Variants in SLC4A5 observed in about 807,000 individuals in gnomAD.
The protein encoded by SLC4A5 is solute carrier family 4 member 5, also known as electrogenic sodium bicarbonate cotransporter 4.
In SLC4A5, 96 loss-of-function variants were observed where a neutral mutation model predicts 120.4. The observed-to-expected ratio is 0.80, with a 90% CI of 0.68 to 0.94. The LOEUF (loss-of-function observed/expected upper bound fraction) is 0.94. SLC4A5 is among the 40% of genes least tolerant of loss of function. The pLI is 0.00. For missense variants in SLC4A5, 1,259 were observed against 1,459.5 expected (o/e 0.86, Z 2.24); for synonymous variants, 550 against 571.1 (o/e 0.96, Z 0.53).
At chr2:74,292,638 A>G (rs757514400) in intron 7 of SLC4A5, among the ~76,000 whole-genome samples, 10 of 152,202 alleles carry the variant, frequency 6.6e-5, no homozygotes, top group Non-Finnish European at 1.3e-4. Flanking sequence ...TTCAGGAGGC[A>G]CACTAAAGCC....
intron 7 of SLC4A5, among the ~76,000 whole-genome samples, chr2:74,295,012 G>C (rs1212806004): frequency 6.6e-6 from 1 of 152,168 alleles, no homozygotes; most frequent in African/African-American, 2.4e-5. Context: ...TAGACTGATA[G>C]ATGGTCTTTG....
At chr2:74,324,412 A>G (rs915395473) in intron 5 of SLC4A5, among the ~76,000 whole-genome samples, 17 of 152,170 alleles carry the variant, frequency 1.1e-4, no homozygotes, top group African/African-American at 4.1e-4. Flanking sequence ...ACGTGTGAGC[A>G]GCTCCAGAAA....
intron 8 of SLC4A5, among the ~76,000 whole-genome samples, chr2:74,272,672 C>T (rs1353324536): frequency 6.6e-6 from 1 of 152,256 alleles, no homozygotes. Context: ...TAAAAGGAAC[C>T]TTGAAATGTC....
chr2:74,245,802 A>AT (rs533652243), intron 19 of SLC4A5, among the ~76,000 whole-genome samples: 48 of 152,146 alleles, frequency 3.2e-4, no homozygotes, highest in African/African-American at 1.1e-3. Context: ...TTGACTTATG[A>AT]TTTTTTTTAC....
At chr2:74,339,071 C>T (rs1558921097) in intron 2 of SLC4A5, 168 bp from the exon 3 acceptor site, 1 of 152,134 alleles carries the variant, frequency 6.6e-6, no homozygotes, top group Non-Finnish European at 1.5e-5. Flanking sequence ...GCATTGTTCA[C>T]AGTGGCAAAA....
chr2:74,273,060 CA>C (rs1038124302), intron 8 of SLC4A5, among the ~76,000 whole-genome samples: 3 of 152,228 alleles, frequency 2.0e-5, no homozygotes, highest in Non-Finnish European at 4.4e-5. Context: ...TTCTAAAACC[CA>C]GGCTGAATCT....
chr2:74,330,705 T>C (rs1336743496), intron 4 of SLC4A5, among the ~76,000 whole-genome samples: 3 of 146,968 alleles, frequency 2.0e-5, no homozygotes, highest in African/African-American at 7.6e-5. Context: ...TGGTGAGGTA[T>C]AGGTGAGGGT....
At chr2:74,238,026 C>T (rs549011574) in intron 21 of SLC4A5, among the ~76,000 whole-genome samples, 3 of 151,960 alleles carry the variant, frequency 2.0e-5, no homozygotes, top group Non-Finnish European at 4.4e-5. Context: ...CACTTGAACC[C>T]GGGAGGCGGA....
chr2:74,257,689 C>G (rs143481494), intron 12 of SLC4A5, among the ~76,000 whole-genome samples: 1 of 149,890 alleles, frequency 6.7e-6, no homozygotes, highest in Non-Finnish European at 1.5e-5. Context: ...AAGCAGTTCT[C>G]GTGCCTGTCT....
intron 8 of SLC4A5, among the ~76,000 whole-genome samples, chr2:74,267,120 T>C: frequency 6.6e-6 from 1 of 152,250 alleles, no homozygotes; most frequent in Non-Finnish European, 1.5e-5. Flanking sequence ...TGAAATAACA[T>C]TCTTCATTTT....
rs1287097512 is a variant in SLC4A5 at position 74,275,156 on chromosome 2, CT to C, written c.402-9893del. On this transcript the variant is annotated intron_variant, in intron 8 of 30. Coordinates refer to ENST00000394019, the Ensembl canonical transcript of SLC4A5. ...ACACTCCTTCCCAGACAGTGATGAA[CT>C]GCAGTGGCACAGCTGGTGGTGATGG... 2.0e-5 allele frequency among the ~76,000 whole-genome samples: 3 copies of C among 152,294 alleles called. No individual in the cohort carries two copies. The East Asian group carries it at 5.8e-4, about 29-fold the overall frequency.
chr2:74,340,873 C>A (rs1313605373), intron 2 of SLC4A5, among the ~76,000 whole-genome samples: 1 of 152,070 alleles, frequency 6.6e-6, no homozygotes, highest in Non-Finnish European at 1.5e-5. Flanking sequence ...CACTCCAAGT[C>A]AAGATTGAAG....
Position 74,239,436 on chromosome 2 carries a change from TA to T in SLC4A5, c.2217del (p.Phe739LeufsTer19). On this transcript the variant is annotated frameshift_variant, in exon 21 of 31. Coordinates refer to ENST00000394019, the Ensembl canonical transcript of SLC4A5. LOFTEE classifies it high-confidence loss of function. The stretch of plus-strand genomic sequence containing the variant: ...AAGGACATGAGCGCCAGGTCTGGGA[TA>T]AACTTGCAGGAATTCCCAAGCAGGC... 1 of 1,614,022 alleles carries T rather than the reference TA, an allele frequency of 6.2e-7. No homozygotes were observed.
chr2:74,269,807 CCT>C (rs1187938922), intron 8 of SLC4A5, among the ~76,000 whole-genome samples: 5 of 152,152 alleles, frequency 3.3e-5, no homozygotes, highest in African/African-American at 9.7e-5. Context: ...AGCTCTCTCC[CCT>C]GACATCCCAT....
chr2:74,290,625 G>A, intron 7 of SLC4A5: 1 of 797,574 alleles, frequency 1.3e-6, no homozygotes, highest in Non-Finnish European at 1.5e-6. Flanking sequence ...AGAGAAGTGA[G>A]AGAGAGAGAG....
At chr2:74,248,543 C>G (rs1336859677) in intron 17 of SLC4A5, 57 bp from the exon 18 acceptor site, 1 of 1,598,106 alleles carries the variant, frequency 6.3e-7, no homozygotes, top group Non-Finnish European at 8.5e-7. Flanking sequence ...TCTCTCCACA[C>G]AGGCTGCAGC....
chr2:74,259,757 C>T, intron 11 of SLC4A5, 114 bp from the exon 12 acceptor site: 1 of 928,180 alleles, frequency 1.1e-6, no homozygotes, highest in South Asian at 1.3e-5. Context: ...CAAACTCCCT[C>T]CCCCTTAATC....
chr2:74,329,149 A>C (rs1437190193), intron 4 of SLC4A5, among the ~76,000 whole-genome samples: 1 of 152,240 alleles, frequency 6.6e-6, no homozygotes. Context: ...TGGTTGTAGA[A>C]GTAGCAGTAA....
In SLC4A5 at chr2:74,332,703, T is replaced by TTGTGTGTG. The variant is rs3834171; in HGVS notation, c.-70+1316_-70+1323dup. ...CACAGAATGGCAGAGGGGTGTCCATTTGTGTGTGTGTGTGTGTGTGTGCGT... is the reference window on the plus strand; with the variant it reads ...CACAGAATGGCAGAGGGGTGTCCATTTGTGTGTGTGTGTGTGTGTGTGTGTGTGTGCGT... On this transcript the variant is annotated intron_variant, in intron 4 of 30. Coordinates refer to ENST00000394019, the Ensembl canonical transcript of SLC4A5. 4.1e-3 allele frequency among the ~76,000 whole-genome samples: 611 copies of TTGTGTGTG among 148,288 alleles called. 4 individuals carry two copies. Among genetic ancestry groups the TTGTGTGTG allele is most frequent in the African/African-American group, 0.014 (576 of 40,500 alleles).
Sources: allele counts gnomAD v4.1 joint callset (sites outside exome capture counted in the v4.1 genomes callset), GRCh38; gene constraint gnomAD v4.1.1; transcripts MANE v1.5; gene names NCBI Gene and HGNC (gene_info 2026-07-23, HGNC 2026-07-21).